The following PLXDC2 variants were observed in gnomAD, a reference collection of about 807,000 sequenced individuals.
PLXDC2 encodes the protein plexin domain containing 2.
A neutral mutation model predicts 68.9 loss-of-function variants in PLXDC2; 40 were observed. That is an observed-to-expected ratio of 0.58 (90% CI 0.45 to 0.76). PLXDC2 has a LOEUF of 0.76. PLXDC2 is among the 30% of genes least tolerant of loss of function. PLXDC2 has a pLI of 0.00. For synonymous variants in PLXDC2, 243 were observed against 234.2 expected, an observed-to-expected ratio of 1.04 and a Z score of -0.34; for missense variants, 644 against 661.9, an observed-to-expected ratio of 0.97 and a Z score of 0.30.
chr10:19,821,244 C>T (rs1344534405), intron 1 of PLXDC2, among the ~76,000 whole-genome samples: 1 of 152,200 alleles, frequency 6.6e-6, no homozygotes, highest in Non-Finnish European at 1.5e-5. Context: ...CTTGAAAGCT[C>T]TCACCAGATG....
intron 5 of PLXDC2, among the ~76,000 whole-genome samples, chr10:20,146,518 T>TCCTTCCTTCCTTCCTTCCTTCCTC (rs1217081598): frequency 1.6e-4 from 19 of 115,690 alleles, no homozygotes; most frequent in African/African-American, 3.2e-4. Flanking sequence ...CTTCCTTCCT[T>TCCTTCCTTCCTTCCTTCCTTCCTC]CCTCCCTCCC....
intron 1 of PLXDC2, among the ~76,000 whole-genome samples, chr10:19,945,793 C>G (rs745528357): frequency 7.9e-5 from 12 of 152,192 alleles, no homozygotes; most frequent in Admixed American, 2.6e-4. Flanking sequence ...CCGTATCTAA[C>G]TCCAACAAAC....
rs200222183 is a variant in PLXDC2, at chr10:20,256,534, T to G, written c.1473+11029T>G. The stretch of plus-strand genomic sequence containing the variant: ...GCTTCGTAAAAAGAAGAAAATACTT[T>G]CTTTTACAAAAGTAAAATAAATTTG... On this transcript the variant is annotated intron_variant, in intron 13 of 13. Transcript: ENST00000377252. Among the ~76,000 whole-genome samples, 5 of 152,316 alleles carry G rather than the reference T, an allele frequency of 3.3e-5. No individual in the cohort carries two copies. In the East Asian group the frequency reaches 9.6e-4, roughly 29 times the overall value.
intron 4 of PLXDC2, among the ~76,000 whole-genome samples, chr10:20,124,130 T>C (rs1833738243): frequency 6.6e-6 from 1 of 152,062 alleles, no homozygotes; most frequent in African/African-American, 2.4e-5. Flanking sequence ...CCCTGCATGG[T>C]CTGACACCTC....
chr10:19,965,890 A>G (rs1834239192), intron 1 of PLXDC2, among the ~76,000 whole-genome samples: 1 of 152,112 alleles, frequency 6.6e-6, no homozygotes, highest in African/African-American at 2.4e-5. Context: ...AGTAGTCCTC[A>G]ATGGATTGAC....
chr10:20,181,622 T>G (rs549763515), intron 9 of PLXDC2, among the ~76,000 whole-genome samples: 2 of 151,992 alleles, frequency 1.3e-5, no homozygotes, highest in African/African-American at 4.8e-5. Flanking sequence ...GCCCACGCAC[T>G]GGCCCTATGG....
chr10:19,829,521 C>CG (rs554853738), intron 1 of PLXDC2, among the ~76,000 whole-genome samples: 7 of 152,096 alleles, frequency 4.6e-5, no homozygotes, highest in African/African-American at 1.4e-4. Context: ...AGGCCAGGCA[C>CG]GGGGGCTCAT....
chr10:20,267,180 G>T (rs963524970), intron 13 of PLXDC2, among the ~76,000 whole-genome samples: 14 of 152,224 alleles, frequency 9.2e-5, no homozygotes, highest in Middle Eastern at 3.4e-3. Flanking sequence ...TGATTTAAAT[G>T]CATAAAGCGA....
intron 4 of PLXDC2, among the ~76,000 whole-genome samples, chr10:20,142,574 C>T (rs1834020827): frequency 6.6e-6 from 1 of 152,024 alleles, no homozygotes; most frequent in Non-Finnish European, 1.5e-5. Flanking sequence ...TAATTCAAAG[C>T]CAAAGTTCTC....
chr10:20,111,305 C>T (rs7915667), intron 4 of PLXDC2, among the ~76,000 whole-genome samples: 1 of 152,074 alleles, frequency 6.6e-6, no homozygotes, highest in African/African-American at 2.4e-5. Context: ...ATCCCTCATG[C>T]CATTTGTTAA....
intron 1 of PLXDC2, among the ~76,000 whole-genome samples, chr10:19,886,336 T>A (rs967390253): frequency 2.0e-5 from 3 of 152,154 alleles, no homozygotes; most frequent in African/African-American, 4.8e-5. Context: ...CCTGATTGAA[T>A]ACCCTTTATC....
In PLXDC2 at chr10:20,103,607, A is replaced by C. The variant is rs1438003746; in HGVS notation, c.541+35368A>C. ...GTTTGTGTGTGAGAGAGAGAGAGAG[A>C]GAGAGAAAACTGGGAAGACACATCT... On this transcript the variant is annotated intron_variant, in intron 4 of 13. Coordinates refer to ENST00000377252, the MANE Select transcript of PLXDC2 (RefSeq NM_032812.9). 2.0e-5 allele frequency among the ~76,000 whole-genome samples: 3 copies of C among 150,200 alleles called. No homozygotes were observed. In the East Asian group the frequency reaches 5.9e-4, roughly 30 times the overall value.
chr10:19,963,440 T>C (rs1053718808), intron 1 of PLXDC2, among the ~76,000 whole-genome samples: 16 of 152,206 alleles, frequency 1.1e-4, no homozygotes. Flanking sequence ...GTCTTTGCTA[T>C]TGTGAATAGT....
chr10:19,911,805 A>G (rs1271809004), intron 1 of PLXDC2, among the ~76,000 whole-genome samples: 1 of 152,204 alleles, frequency 6.6e-6, no homozygotes, highest in African/African-American at 2.4e-5. Flanking sequence ...TATTTTATCA[A>G]TGAAAATATA....
chr10:20,270,199 T>C (rs1835920556), intron 13 of PLXDC2, among the ~76,000 whole-genome samples: 1 of 152,164 alleles, frequency 6.6e-6, no homozygotes, highest in Admixed American at 6.6e-5. Flanking sequence ...GGGGTATTTA[T>C]AGAGGGACAA....
intron 4 of PLXDC2, among the ~76,000 whole-genome samples, chr10:20,123,521 G>T (rs1483240155): frequency 6.6e-6 from 1 of 152,144 alleles, no homozygotes; most frequent in Non-Finnish European, 1.5e-5. Flanking sequence ...GGGTCAAGTG[G>T]CATTGCAGAA....
In PLXDC2 at chr10:19,845,924, G is replaced by C. The variant is rs373307026; in HGVS notation, c.112+28733G>C. Among the ~76,000 whole-genome samples, 5 of 152,206 alleles carry C rather than the reference G, an allele frequency of 3.3e-5. No homozygotes were observed. In the East Asian group the frequency reaches 9.7e-4, roughly 29 times the overall value. ...CCTGATTTAAAGCTGTTTCCTCCTT[G>C]GTCCCGTTTTAGTTAGTCTTCAATC... On this transcript the variant is annotated intron_variant, in intron 1 of 13. Transcript: ENST00000377252.
Position 20,283,066 on chromosome 10 carries a change from G to T in PLXDC2, c.*3247G>T, listed in dbSNP as rs929545016. Reference sequence around the variant, plus strand: ...AACAAGAAACACTTCCGTGGTTGAAGAAAATTTTAATGGACAATGCTGTGT... The same window carrying T: ...AACAAGAAACACTTCCGTGGTTGAATAAAATTTTAATGGACAATGCTGTGT... On this transcript the variant is annotated 3_prime_UTR_variant, in exon 14 of 14. Transcript: ENST00000377252. 1.3e-5 allele frequency: 2 copies of T among 152,196 alleles called. No individual in the cohort carries two copies. The highest frequency in any genetic ancestry group is 4.8e-5 in the African/African-American group (2 of 41,466). The allele number at this position is 152,196 out of a possible 1,614,324, so 9.4% of individuals were successfully genotyped here.
At chr10:19,979,044 A>C (rs1054628764) in intron 1 of PLXDC2, among the ~76,000 whole-genome samples, 7 of 152,244 alleles carry the variant, frequency 4.6e-5, no homozygotes, top group African/African-American at 1.4e-4. Context: ...TCTTGATAAA[A>C]GATCTCCAGG....
Sources: gnomAD v4.1 joint callset for allele counts (sites outside exome capture counted in the v4.1 genomes callset) on GRCh38, gnomAD v4.1.1 for gene constraint, MANE v1.5 for transcripts, NCBI Gene and HGNC (gene_info 2026-07-23, HGNC 2026-07-21) for gene names.